Variants in RUFY1 observed in about 807,000 individuals in gnomAD.
The protein encoded by RUFY1 is RUN and FYVE domain containing 1, also known as RUN and FYVE domain-containing protein 1.
Under a neutral mutation model 94.6 loss-of-function variants are expected in RUFY1, and 54 were observed. That is an observed-to-expected ratio of 0.57 (90% CI 0.46 to 0.72). RUFY1 has a LOEUF of 0.72. Among genes scored for constraint, RUFY1 ranks in the 30% least tolerant of loss-of-function variants. The pLI is 0.00. For missense variants in RUFY1, 883 were observed against 883.9 expected (o/e 1.00, Z 0.01); for synonymous variants, 396 against 347.3 (o/e 1.14, Z -1.56).
At chr5:179,604,046 A>G (rs1266122871) in intron 15 of RUFY1, among the ~76,000 whole-genome samples, 4 of 152,184 alleles carry the variant, frequency 2.6e-5, no homozygotes, top group African/African-American at 9.7e-5. Context: ...AATAAGAGTG[A>G]AACTCTGTCT....
chr5:179,596,702 C>T lies in RUFY1; in HGVS notation c.1631+21C>T, dbSNP rs781077074. On this transcript the variant is annotated intron_variant, in intron 13 of 17. Transcript: ENST00000319449. ...CAATGGTAGGGGCCCTGCAGGGAGC[C>T]TGGGCTGGGGTGTGGCTCAGGAGGG... The T allele has an allele frequency of 1.2e-5, 16 of 1,370,608 alleles. No individual in the cohort carries two copies. In the South Asian group the frequency reaches 2.0e-4, roughly 17 times the overall value. The allele number at this position is 1,370,608 out of a possible 1,614,324, so 84.9% of individuals were successfully genotyped here. A position where few individuals can be genotyped will look rare whatever the true frequency, so the allele number is the denominator to read the frequency against.
intron 15 of RUFY1, among the ~76,000 whole-genome samples, chr5:179,604,104 A>G (rs1388623961): frequency 6.6e-6 from 1 of 152,184 alleles, no homozygotes; most frequent in African/African-American, 2.4e-5. Context: ...GCCGCCTGGC[A>G]CTACCGGCTA....
chr5:179,580,206 CGTGTGTGTGTGTGT>C (rs71591429), intron 6 of RUFY1, among the ~76,000 whole-genome samples: 21 of 127,596 alleles, frequency 1.6e-4, no homozygotes, highest in Middle Eastern at 4.1e-3. Flanking sequence ...CAAAAAATTC[CGTGTGTGTGTGTGT>C]GTGTGTGTGT....
chr5:179,563,515 C>T (rs962382365), intron 3 of RUFY1, among the ~76,000 whole-genome samples: 5 of 152,170 alleles, frequency 3.3e-5, no homozygotes, highest in South Asian at 2.1e-4. Flanking sequence ...GTCTGTTATG[C>T]CTTGAAGCCC....
At position 179,560,725 on chromosome 5, in the gene RUFY1, CAAAAAAAAAAA is replaced by C. The variant is rs68093858; in HGVS notation, c.484+535_484+545del. Among the ~76,000 whole-genome samples the C allele has an allele frequency of 4.3e-3, 338 of 78,810 alleles. 1 individual carries two copies. Among genetic ancestry groups the C allele is most frequent in the African/African-American group, 0.015 (322 of 21,612 alleles). 51.7% of individuals were successfully genotyped at this position (78,810 alleles called of 152,430 possible). On this transcript the variant is annotated intron_variant, in intron 2 of 17. Transcript: ENST00000319449. ...TGGGCAACAGAGCAAGACTCCGTCT[CAAAAAAAAAAA>C]AAAAAAAGAAAAAAGAAAAAAAAGT...
intron 12 of RUFY1, 132 bp from the exon 13 acceptor site, chr5:179,596,430 T>C (rs1302578262): frequency 8.8e-7 from 1 of 1,131,870 alleles, no homozygotes; most frequent in Admixed American, 1.7e-5. Context: ...TGGAGCTGAA[T>C]CTCCACGTGT....
chr5:179,607,025 T>C (rs1767160943), intron 16 of RUFY1: 1 of 154,244 alleles, frequency 6.5e-6, no homozygotes, highest in Non-Finnish European at 1.4e-5. Flanking sequence ...ATGGAGTCCA[T>C]GTGCTCCCCA....
chr5:179,596,991 A>C, intron 13 of RUFY1: 1 of 327,212 alleles, frequency 3.1e-6, no homozygotes, highest in East Asian at 5.2e-5. Context: ...TCAGTGTTGA[A>C]CAGAAAGTCA....
intron 6 of RUFY1, among the ~76,000 whole-genome samples, chr5:179,580,368 G>C (rs182704932): frequency 6.6e-6 from 1 of 150,986 alleles, no homozygotes; most frequent in Non-Finnish European, 1.5e-5. Flanking sequence ...TCAGCCTCCC[G>C]AGGAGCTGGG....
intron 3 of RUFY1, 49 bp from the exon 4 acceptor site, chr5:179,567,412 T>G: frequency 2.2e-6 from 3 of 1,367,786 alleles, no homozygotes; most frequent in Non-Finnish European, 3.1e-6. Flanking sequence ...GTCTTTTCTG[T>G]GTTTGTTGTT....
At chr5:179,596,319 A>G in intron 12 of RUFY1, 1 of 588,748 alleles carries the variant, frequency 1.7e-6, no homozygotes, top group Non-Finnish European at 3.0e-6. Context: ...TTACATTCTC[A>G]AAAAGCCAAA....
In RUFY1 at chr5:179,569,247, G is replaced by A; in HGVS notation, c.705-55G>A. 4.3e-6 allele frequency: 7 copies of A among 1,612,170 alleles called. No individual in the cohort carries two copies. In the South Asian group the frequency reaches 6.6e-5, roughly 15 times the overall value. On this transcript the variant is annotated intron_variant, in intron 4 of 17. Transcript: ENST00000319449. ...AAAGGCAGTTCAGGGTGGGGAAGGAGTGGGGATGGTGAAGCTGTTTCTGAG... is the reference window on the plus strand; with the variant it reads ...AAAGGCAGTTCAGGGTGGGGAAGGAATGGGGATGGTGAAGCTGTTTCTGAG...
At position 179,598,716 on chromosome 5, in the gene RUFY1, A is replaced by G; in HGVS notation, c.1656A>G (p.Lys552=). 1 of 1,614,194 alleles carries G rather than the reference A, an allele frequency of 6.2e-7. No individual in the cohort carries two copies. The highest frequency in any genetic ancestry group is 8.5e-7 in the Non-Finnish European group (1 of 1,180,032). The change falls in exon 14 of 18, where the codon AAA becomes AAG. Residue 552 remains lysine, a synonymous_variant. Transcript: ENST00000319449. The part of the protein sequence containing the change: ...EQCSSLEKEL[K]SEKEQRQALQ... Reference sequence around the variant, plus strand: ...GCTCAAGCCTGGAGAAAGAATTGAAATCAGAAAAAGAGCAAAGACAGGCTC... The same window carrying G: ...GCTCAAGCCTGGAGAAAGAATTGAAGTCAGAAAAAGAGCAAAGACAGGCTC...
At chr5:179,564,417 G>C (rs1239012226) in intron 3 of RUFY1, among the ~76,000 whole-genome samples, 1 of 145,590 alleles carries the variant, frequency 6.9e-6, no homozygotes, top group African/African-American at 2.6e-5. Flanking sequence ...ACTGTGCCTG[G>C]CTGTTTTTTT....
intron 16 of RUFY1, 131 bp from the exon 17 acceptor site, chr5:179,607,451 A>G: frequency 1.3e-6 from 1 of 754,704 alleles, no homozygotes; most frequent in Non-Finnish European, 2.3e-6. Flanking sequence ...GTGAGGCCCC[A>G]TCTGATGGAG....
Position 179,605,882 on chromosome 5 carries a change from G to A in RUFY1, c.1863G>A (p.Lys621=). ...QEMGLHLSQS[K]LKMEDIKEVN... is the part of the protein sequence containing the mutation. Reference sequence around the variant, plus strand: ...GCCTTTTTTTTTTCCTTAGGTCCAAGCTGAAGATGGAAGATATAAAAGAAG... The same window carrying A: ...GCCTTTTTTTTTTCCTTAGGTCCAAACTGAAGATGGAAGATATAAAAGAAG... Residue 621 remains lysine, a synonymous_variant, in exon 16 of 18, where the codon AAG becomes AAA. Coordinates refer to ENST00000319449, the MANE Select transcript of RUFY1 (RefSeq NM_025158.5). 6.2e-7 allele frequency: 1 copy of A among 1,603,886 alleles called. No homozygotes were observed. The highest frequency in any genetic ancestry group is 1.3e-5 in the African/African-American group (1 of 74,616).
At position 179,557,927 on chromosome 5, in the gene RUFY1, G is replaced by GT. The variant is rs1762188106; in HGVS notation, c.311-2097dup. ...GGAACCTAGGGCACCCCAGGTCACCGTATCAAGAGGAAGACAGGTTATGGA... is the reference window on the plus strand; with the variant it reads ...GGAACCTAGGGCACCCCAGGTCACCGTTATCAAGAGGAAGACAGGTTATGGA... On this transcript the variant is annotated intron_variant, in intron 1 of 17. Coordinates refer to ENST00000319449, the MANE Select transcript of RUFY1 (RefSeq NM_025158.5). 5.3e-5 allele frequency among the ~76,000 whole-genome samples: 8 copies of GT among 152,226 alleles called. No homozygotes were observed. In the South Asian group the frequency reaches 1.7e-3, roughly 32 times the overall value.
intron 6 of RUFY1, among the ~76,000 whole-genome samples, chr5:179,577,447 G>C (rs1350454583): frequency 6.6e-6 from 1 of 151,622 alleles, no homozygotes; most frequent in Admixed American, 6.6e-5. Context: ...TTACAGGCGT[G>C]ACCCACCGCG....
At chr5:179,582,914 A>G (rs1472766500) in intron 7 of RUFY1, among the ~76,000 whole-genome samples, 1 of 152,192 alleles carries the variant, frequency 6.6e-6, no homozygotes, top group Non-Finnish European at 1.5e-5. Flanking sequence ...CCGCCATCAT[A>G]TCAGGGTTAT....
Sources: gnomAD v4.1 joint callset for allele counts (sites outside exome capture counted in the v4.1 genomes callset) on GRCh38, gnomAD v4.1.1 for gene constraint, MANE v1.5 for transcripts, NCBI Gene and HGNC (gene_info 2026-07-23, HGNC 2026-07-21) for gene names.